The following KLC1 variants were observed in gnomAD, a reference collection of about 807,000 sequenced individuals.
The protein encoded by KLC1 is kinesin 2 60/70kDa.
A neutral mutation model predicts 84.2 loss-of-function variants in KLC1; 30 were observed. The ratio of observed to expected loss-of-function variants is 0.36; its 90% CI spans 0.27 to 0.48. The LOEUF (loss-of-function observed/expected upper bound fraction) is 0.48, where lower values mean the gene tolerates loss of function less well. Among genes scored for constraint, KLC1 ranks in the 20% least tolerant of loss-of-function variants. The pLI, the probability that KLC1 is intolerant of heterozygous loss-of-function variation, is 0.99. For synonymous variants in KLC1, 289 were observed against 293.3 expected, an observed-to-expected ratio of 0.99 and a Z score of 0.15; for missense variants, 499 against 805.4, an observed-to-expected ratio of 0.62 and a Z score of 4.60.
intron 1 of KLC1, among the ~76,000 whole-genome samples, chr14:103,642,232 G>C (rs2077550386): frequency 6.6e-6 from 1 of 152,008 alleles, no homozygotes; most frequent in African/African-American, 2.4e-5. Flanking sequence ...TCAGCCCCTG[G>C]GTTCCCTTTT....
intron 1 of KLC1, among the ~76,000 whole-genome samples, chr14:103,631,108 T>TCTCG (rs1567000281): frequency 6.7e-6 from 1 of 150,276 alleles, no homozygotes. Context: ...TGAGATGGAG[T>TCTCG]CTCGCTCTGT....
At chr14:103,700,790 T>C in intron 16 of KLC1, 63 bp downstream of exon 16, 1 of 1,331,192 alleles carries the variant, frequency 7.5e-7, no homozygotes, top group Non-Finnish European at 1.0e-6. Flanking sequence ...ACTTTGCACA[T>C]GCAGGGACTG....
Position 103,701,298 on chromosome 14 carries a change from G to T in KLC1, c.*99G>T. On this transcript the variant is annotated 3_prime_UTR_variant, in exon 17 of 17. Transcript: ENST00000334553. ...CGGCAGGGAGGGCCCCTGGCCGGGA[G>T]CCGCAGCGCTCACTCATTTCTCCTG... The T allele has an allele frequency of 7.7e-7, 1 of 1,303,636 alleles. No homozygotes were observed. 80.8% of individuals were successfully genotyped at this position (1,303,636 alleles called of 1,614,324 possible).
At chr14:103,634,515 C>A (rs142305029) in intron 1 of KLC1, among the ~76,000 whole-genome samples, 13 of 152,158 alleles carry the variant, frequency 8.5e-5, no homozygotes, top group African/African-American at 3.1e-4. Context: ...GAGGCTGAGG[C>A]TGGAGGTAAA....
At chr14:103,685,030 T>C (rs981356444) in intron 13 of KLC1, 2 of 1,488,106 alleles carry the variant, frequency 1.3e-6, no homozygotes, top group Middle Eastern at 1.7e-4. Context: ...TTGCTCAGCG[T>C]CCCATGGTGA....
intron 1 of KLC1, among the ~76,000 whole-genome samples, chr14:103,638,566 C>A (rs1222110172): frequency 2.6e-5 from 4 of 151,706 alleles, no homozygotes; most frequent in Admixed American, 2.6e-4. Context: ...CTTTCCCCAC[C>A]TGGCTGAATT....
chr14:103,675,469 A>G, intron 9 of KLC1, 83 bp from the exon 10 acceptor site: 1 of 1,211,334 alleles, frequency 8.3e-7, no homozygotes, highest in East Asian at 2.4e-5. Flanking sequence ...TTGACACTCA[A>G]AGGAAATTCC....
chr14:103,644,714 T>C (rs2077767110), intron 1 of KLC1, among the ~76,000 whole-genome samples: 2 of 152,116 alleles, frequency 1.3e-5, no homozygotes, highest in Non-Finnish European at 2.9e-5. Context: ...GGCAACATAG[T>C]GAGACCCTGT....
At chr14:103,679,622 A>G (rs746805004) in intron 13 of KLC1, 77 bp downstream of exon 13, 1 of 1,083,510 alleles carries the variant, frequency 9.2e-7, no homozygotes, top group South Asian at 1.3e-5. Flanking sequence ...CTCCTGTCTC[A>G]TGTGCTAGAC....
At chr14:103,696,264 A>G (rs756727582) in intron 15 of KLC1, 306 of 985,346 alleles carry the variant, frequency 3.1e-4, no homozygotes, top group Non-Finnish European at 3.5e-4. Flanking sequence ...TGCTTCCCTG[A>G]AGCAGCAGCA....
intron 15 of KLC1, chr14:103,696,094 C>CGGGGGGGGGGG: frequency 5.4e-6 from 1 of 185,186 alleles, no homozygotes; most frequent in Non-Finnish European, 6.4e-6. Context: ...ATCACTGCGC[C>CGGGGGGGGGGG]CCCGCCCCCC....
chr14:103,653,993 C>G (rs1046164306), intron 1 of KLC1, among the ~76,000 whole-genome samples: 42 of 152,180 alleles, frequency 2.8e-4, no homozygotes, highest in Non-Finnish European at 6.2e-4. Flanking sequence ...GGGCCTGGCC[C>G]TGGTGGTGCT....
rs2082213076 is a variant in KLC1, at chr14:103,693,083, G to A, written c.1848+658G>A. ...TCAGGTGCCTGGGGCCCACCCGGCA[G>A]CTCGAGCTGTTGGGACTTGGCAGTC... On this transcript the variant is annotated intron_variant, in intron 15 of 16. Transcript: ENST00000334553. The surrounding 1 kb of genome is among the most constrained non-coding windows in gnomAD (Gnocchi z 5.1). Among the ~76,000 whole-genome samples the A allele has an allele frequency of 6.6e-6, 1 of 152,226 alleles. No homozygotes were observed. Among genetic ancestry groups the A allele is most frequent in the South Asian group, 2.1e-4 (1 of 4,832 alleles).
At chr14:103,670,555 T>TGGC (rs1414454614) in intron 7 of KLC1, among the ~76,000 whole-genome samples, 122 of 151,662 alleles carry the variant, frequency 8.0e-4, no homozygotes, top group African/African-American at 2.9e-3. Flanking sequence ...CAGGATGTTC[T>TGGC]CAATCTCTTG....
At chr14:103,637,534 A>G (rs2077140875) in intron 1 of KLC1, among the ~76,000 whole-genome samples, 1 of 152,024 alleles carries the variant, frequency 6.6e-6, no homozygotes, top group African/African-American at 2.4e-5. Context: ...TGTTTCAAAA[A>G]AAAAAAAGAA....
At chr14:103,685,057 C>T (rs774351049) in intron 13 of KLC1, 9 of 1,549,020 alleles carry the variant, frequency 5.8e-6, no homozygotes, top group South Asian at 3.6e-5. Context: ...GCGGGCGGGG[C>T]GCAGGCCCTG....
intron 14 of KLC1, among the ~76,000 whole-genome samples, chr14:103,689,311 T>C (rs2081958493): frequency 6.6e-6 from 1 of 152,172 alleles, no homozygotes; most frequent in Non-Finnish European, 1.5e-5. Context: ...TTCTCGTGTT[T>C]TGTGTCTTTG....
At chr14:103,656,365 A>G (rs1005676757) in intron 2 of KLC1, among the ~76,000 whole-genome samples, 2 of 152,222 alleles carry the variant, frequency 1.3e-5, no homozygotes, top group African/African-American at 4.8e-5. Flanking sequence ...CTTTGTTTCT[A>G]TAATATCATG....
chr14:103,664,968 C>T (rs1450146837), intron 5 of KLC1, among the ~76,000 whole-genome samples: 1 of 152,062 alleles, frequency 6.6e-6, no homozygotes, highest in African/African-American at 2.4e-5. Flanking sequence ...ACACACATCA[C>T]TGCTGGGTGC....
Sources: allele counts gnomAD v4.1 joint callset (sites outside exome capture counted in the v4.1 genomes callset), GRCh38; gene constraint gnomAD v4.1.1; non-coding constraint Gnocchi (gnomAD v3.1); transcripts MANE v1.5; gene names NCBI Gene and HGNC (gene_info 2026-07-23, HGNC 2026-07-21).